Variants in KHDRBS2 observed in about 807,000 individuals in gnomAD.
KHDRBS2 encodes the protein KH domain-containing, RNA-binding, signal transduction-associated protein 2.
KHDRBS2 carries 26 observed loss-of-function variants against 44.3 expected under a neutral mutation model. The observed-to-expected ratio is 0.59, with a 90% confidence interval of 0.43 to 0.81. The LOEUF is 0.81. KHDRBS2 is among the 40% of genes least tolerant of loss of function. The pLI is 0.00. For synonymous variants in KHDRBS2, 194 were observed against 151.1 expected (o/e 1.28, Z -2.08); for missense variants, 476 against 433.1 (o/e 1.10, Z -0.88).
At chr6:61,955,267 TAC>T (rs375089883) in intron 4 of KHDRBS2, among the ~76,000 whole-genome samples, 1,371 of 134,506 alleles carry the variant, frequency 0.01, 26 homozygotes, top group Middle Eastern at 0.023. Context: ...TGTATACATA[TAC>T]GTGTAAATAT....
intron 3 of KHDRBS2, among the ~76,000 whole-genome samples, chr6:61,984,676 A>T (rs1317352837): frequency 1.3e-5 from 2 of 152,104 alleles, no homozygotes; most frequent in African/African-American, 4.8e-5. Flanking sequence ...TTGGTATATA[A>T]ACTTTATCTC....
intron 4 of KHDRBS2, among the ~76,000 whole-genome samples, chr6:61,963,896 G>A (rs1177907465): frequency 6.6e-6 from 1 of 151,880 alleles, no homozygotes; most frequent in Non-Finnish European, 1.5e-5. Flanking sequence ...ATTAAGCTGA[G>A]GAAAATATTG....
At chr6:61,662,314 T>C in the KHDRBS2 span, among the ~76,000 whole-genome samples, 1 of 151,850 alleles carries the variant, frequency 6.6e-6, no homozygotes. Flanking sequence ...AACCTAGGCA[T>C]TACCATTCAG....
chr6:62,251,256 A>G (rs1836481683), intron 1 of KHDRBS2, among the ~76,000 whole-genome samples: 1 of 151,938 alleles, frequency 6.6e-6, no homozygotes, highest in Non-Finnish European at 1.5e-5. Context: ...GCAAATGATT[A>G]AAGTCATGAT....
chr6:62,117,086 T>C (rs969437546), intron 2 of KHDRBS2, among the ~76,000 whole-genome samples: 3 of 152,196 alleles, frequency 2.0e-5, no homozygotes, highest in Non-Finnish European at 4.4e-5. Context: ...CTCTTCAATA[T>C]ACCGATCTTC....
chr6:62,215,082 A>G (rs1585239922), intron 1 of KHDRBS2, among the ~76,000 whole-genome samples: 1 of 151,940 alleles, frequency 6.6e-6, no homozygotes, highest in Non-Finnish European at 1.5e-5. Flanking sequence ...TCTAACAGGT[A>G]GCATACCTTT....
chr6:62,138,539 T>G (rs1213905937), intron 2 of KHDRBS2, among the ~76,000 whole-genome samples: 1 of 152,218 alleles, frequency 6.6e-6, no homozygotes, highest in Non-Finnish European at 1.5e-5. Flanking sequence ...AGTCTGATTT[T>G]AAAAAGTGAT....
chr6:62,155,688 A>G (rs1033457494), intron 2 of KHDRBS2, among the ~76,000 whole-genome samples: 1 of 152,198 alleles, frequency 6.6e-6, no homozygotes, highest in African/African-American at 2.4e-5. Context: ...TAACTCATGA[A>G]TACTATTTAT....
At chr6:61,962,058 A>C (rs192596026) in intron 4 of KHDRBS2, among the ~76,000 whole-genome samples, 1 of 152,240 alleles carries the variant, frequency 6.6e-6, no homozygotes, top group East Asian at 1.9e-4. Context: ...GTAATGCATG[A>C]ATGAATTGAT....
chr6:61,566,389 C>T, the KHDRBS2 span, among the ~76,000 whole-genome samples: 1 of 152,106 alleles, frequency 6.6e-6, no homozygotes, highest in African/African-American at 2.4e-5. Flanking sequence ...TGAAGGAATG[C>T]ATTTGGAATG....
intron 3 of KHDRBS2, among the ~76,000 whole-genome samples, chr6:62,027,432 G>T (rs994731435): frequency 2.2e-4 from 33 of 151,996 alleles, no homozygotes; most frequent in African/African-American, 8.0e-4. Flanking sequence ...TTTTTAAGTG[G>T]TAAAAGCAAT....
intron 6 of KHDRBS2, among the ~76,000 whole-genome samples, chr6:61,836,882 T>TA (rs1792779149): frequency 2.0e-5 from 3 of 152,078 alleles, no homozygotes; most frequent in African/African-American, 7.2e-5. Flanking sequence ...ACAAGAGGCT[T>TA]ACGATTCTAT....
intron 6 of KHDRBS2, among the ~76,000 whole-genome samples, chr6:61,763,129 A>G (rs1399345561): frequency 6.6e-6 from 1 of 152,162 alleles, no homozygotes; most frequent in Non-Finnish European, 1.5e-5. Flanking sequence ...CAGTTAGAAC[A>G]AGGGAAAGCC....
chr6:62,001,189 G>T (rs559225581), intron 3 of KHDRBS2, among the ~76,000 whole-genome samples: 1 of 152,268 alleles, frequency 6.6e-6, no homozygotes, highest in East Asian at 1.9e-4. Flanking sequence ...AGTCCTTAAA[G>T]AATATGCAAA....
At chr6:61,750,341 A>G (rs531449830) in intron 6 of KHDRBS2, among the ~76,000 whole-genome samples, 95 of 152,078 alleles carry the variant, frequency 6.2e-4, no homozygotes, top group African/African-American at 2.1e-3. Context: ...GTGCTTATAC[A>G]AAGACTGGTA....
chr6:62,282,029 C>G (rs970459126), intron 1 of KHDRBS2, among the ~76,000 whole-genome samples: 1 of 152,122 alleles, frequency 6.6e-6, no homozygotes, highest in African/African-American at 2.4e-5. Flanking sequence ...AAAGAAAAGT[C>G]ACTTTAAAGA....
intron 2 of KHDRBS2, among the ~76,000 whole-genome samples, chr6:62,131,136 C>T (rs915907933): frequency 1.6e-4 from 24 of 152,002 alleles, no homozygotes; most frequent in African/African-American, 4.1e-4. Context: ...GCTTACTAAT[C>T]GACGTTTTAC....
chr6:62,276,301 T>A (rs1840926121), intron 1 of KHDRBS2, among the ~76,000 whole-genome samples: 1 of 152,214 alleles, frequency 6.6e-6, no homozygotes, highest in African/African-American at 2.4e-5. Flanking sequence ...TATACTGTCT[T>A]CTGTTTCTGA....
intron 2 of KHDRBS2, among the ~76,000 whole-genome samples, chr6:62,124,041 G>T (rs1473297785): frequency 6.6e-6 from 1 of 152,110 alleles, no homozygotes; most frequent in African/African-American, 2.4e-5. Context: ...TTTGGCAAAG[G>T]TTACAAGTAA....
Sources: allele counts gnomAD v4.1 joint callset (sites outside exome capture counted in the v4.1 genomes callset), GRCh38; gene constraint gnomAD v4.1.1; transcripts MANE v1.5; gene names NCBI Gene and HGNC (gene_info 2026-07-23, HGNC 2026-07-21).